EDIL3: variants seen among roughly 807,000 people sequenced by gnomAD.
EDIL3 encodes EGF like and discoidin domains 3.
A neutral mutation model predicts 67.4 loss-of-function variants in EDIL3; 37 were observed. The ratio of observed to expected loss-of-function variants is 0.55; its 90% CI spans 0.42 to 0.72. EDIL3 has a LOEUF of 0.72. EDIL3 is among the 30% of genes least tolerant of loss of function. The pLI, the probability that EDIL3 is intolerant of heterozygous loss-of-function variation, is 0.00. For missense variants in EDIL3, 527 were observed against 586.3 expected (o/e 0.90, Z 1.04); for synonymous variants, 195 against 196.3 (o/e 0.99, Z 0.05).
intron 10 of EDIL3, among the ~76,000 whole-genome samples, chr5:83,962,280 C>T (rs997679429): frequency 3.3e-5 from 5 of 151,430 alleles, no homozygotes; most frequent in Non-Finnish European, 5.9e-5. Context: ...ATGTATAAAG[C>T]AGTGTTATAT....
At chr5:84,064,618 T>C (rs1746600974) in intron 8 of EDIL3, 82 bp downstream of exon 8, 3 of 1,458,974 alleles carry the variant, frequency 2.1e-6, no homozygotes, top group African/African-American at 1.4e-5. Flanking sequence ...TTGTTGAATT[T>C]GTAGGTTAGT....
At chr5:84,337,701 T>C (rs1257153450) in intron 1 of EDIL3, among the ~76,000 whole-genome samples, 1 of 152,162 alleles carries the variant, frequency 6.6e-6, no homozygotes, top group East Asian at 1.9e-4. Context: ...TAGGCTGACC[T>C]TCAATATTTC....
In EDIL3 at chr5:84,008,178, A is replaced by G. The variant is rs146303165; in HGVS notation, c.1138-44818T>C. 3.5e-3 allele frequency among the ~76,000 whole-genome samples: 537 copies of G among 152,242 alleles called. 2 individuals are homozygous for G. The highest frequency in any genetic ancestry group is 5.7e-3 in the Non-Finnish European group (385 of 68,010). On this transcript the variant is annotated intron_variant, in intron 9 of 10. Transcript: ENST00000296591. ...AGTAAAGTGAGGATGGTTAATGGGT[A>G]CAAACATATGGTTAGAAAGAAGAAA... is the stretch of plus-strand genomic sequence containing the variant.
chr5:84,225,758 T>C lies in EDIL3; in HGVS notation c.226+4097A>G, dbSNP rs58141890. Among the ~76,000 whole-genome samples, 1,333 of 151,706 alleles carry C rather than the reference T, an allele frequency of 8.8e-3. 23 individuals are homozygous for C. Among genetic ancestry groups the C allele is most frequent in the African/African-American group, 0.031 (1,267 of 41,520 alleles). On this transcript the variant is annotated intron_variant, in intron 3 of 10. Transcript: ENST00000296591. ...TAATCGACCCAACTCTGTGTGCCTA[T>C]AGAATTAAAACAACCTAGATTTGTC... is the stretch of plus-strand genomic sequence containing the variant.
chr5:84,001,555 CA>C lies in EDIL3; in HGVS notation c.1138-38196del, dbSNP rs151120889. Among the ~76,000 whole-genome samples the C allele has an allele frequency of 6.1e-5, 9 of 148,448 alleles. No homozygotes were observed. In the South Asian group the frequency reaches 8.6e-4, roughly 14 times the overall value. On this transcript the variant is annotated intron_variant, in intron 9 of 10. Coordinates refer to ENST00000296591, the MANE Select transcript of EDIL3 (RefSeq NM_005711.5). ...ACTTTTAGCCTTACTCCCCCACTGC[CA>C]AAAAAAAAGAGACAAGACCCAAATA... is the stretch of plus-strand genomic sequence containing the variant.
At chr5:83,995,071 A>G (rs1229448237) in intron 9 of EDIL3, among the ~76,000 whole-genome samples, 1 of 152,062 alleles carries the variant, frequency 6.6e-6, no homozygotes, top group Non-Finnish European at 1.5e-5. Context: ...AGACTTAATG[A>G]CAAATTAAGG....
At chr5:84,276,758 G>T (rs1341371757) in intron 1 of EDIL3, among the ~76,000 whole-genome samples, 1 of 151,834 alleles carries the variant, frequency 6.6e-6, no homozygotes, top group Non-Finnish European at 1.5e-5. Flanking sequence ...ATTTTTAGTA[G>T]AGATGGGGTT....
At chr5:84,322,748 G>A (rs1308300922) in intron 1 of EDIL3, among the ~76,000 whole-genome samples, 2 of 151,880 alleles carry the variant, frequency 1.3e-5, no homozygotes, top group Non-Finnish European at 2.9e-5. Flanking sequence ...AATTCAAAGA[G>A]AACAATTTCA....
At chr5:84,050,130 G>A (rs13187828) in intron 9 of EDIL3, among the ~76,000 whole-genome samples, 28,006 of 149,224 alleles carry the variant, frequency 0.19, 2,942 homozygotes, top group Admixed American at 0.24. Flanking sequence ...CCCGGGAGGC[G>A]GAGCTTGCAG....
intron 1 of EDIL3, among the ~76,000 whole-genome samples, chr5:84,291,784 G>T (rs1745927917): frequency 1.4e-5 from 2 of 142,508 alleles, no homozygotes; most frequent in African/African-American, 2.6e-5. Flanking sequence ...ATCATATACA[G>T]ATATATACAC....
intron 3 of EDIL3, among the ~76,000 whole-genome samples, chr5:84,200,857 G>GA (rs1196378126): frequency 6.6e-6 from 1 of 151,976 alleles, no homozygotes; most frequent in Non-Finnish European, 1.5e-5. Flanking sequence ...GAAAGAGTGA[G>GA]AAATCTTCAA....
intron 1 of EDIL3, among the ~76,000 whole-genome samples, chr5:84,262,673 T>G (rs955797587): frequency 1.7e-5 from 2 of 115,312 alleles, no homozygotes; most frequent in Non-Finnish European, 3.6e-5. Flanking sequence ...TTTTTTTTTT[T>G]TTTTTTTTTT....
chr5:84,332,463 A>G (rs981693552), intron 1 of EDIL3, among the ~76,000 whole-genome samples: 7 of 152,206 alleles, frequency 4.6e-5, no homozygotes, highest in African/African-American at 1.7e-4. Flanking sequence ...AGGCTTCAAG[A>G]TAACGTTCTA....
chr5:84,332,318 G>A (rs1346732229), intron 1 of EDIL3, among the ~76,000 whole-genome samples: 1 of 152,194 alleles, frequency 6.6e-6, no homozygotes, highest in Admixed American at 6.5e-5. Flanking sequence ...ACCATAGTGA[G>A]CTATGATAGT....
In EDIL3 at chr5:84,231,951, C is replaced by T. The variant is rs149665568; in HGVS notation, c.197-2067G>A. Among the ~76,000 whole-genome samples, 160 of 152,218 alleles carry T rather than the reference C, an allele frequency of 1.1e-3. 3 individuals are homozygous for T. The East Asian group carries it at 0.027, about 26-fold the overall frequency. ...TGAACTCATTTAATTCACAAAGCAA[C>T]CAATGAGATGAAAATATTTCTCATT... is the stretch of plus-strand genomic sequence containing the variant. On this transcript the variant is annotated intron_variant, in intron 2 of 10. Coordinates refer to ENST00000296591, the MANE Select transcript of EDIL3 (RefSeq NM_005711.5).
intron 2 of EDIL3, among the ~76,000 whole-genome samples, chr5:84,232,071 C>T (rs1189261258): frequency 1.6e-4 from 24 of 150,354 alleles, no homozygotes; most frequent in Admixed American, 1.6e-3. Context: ...TAAAACTGAA[C>T]TTCTTCTGCT....
At chr5:83,985,101 A>G (rs1745037249) in intron 9 of EDIL3, among the ~76,000 whole-genome samples, 1 of 152,018 alleles carries the variant, frequency 6.6e-6, no homozygotes, top group Admixed American at 6.6e-5. Context: ...ATAAAAGGAA[A>G]AATGTAGGAG....
chr5:84,029,403 C>G (rs1224501854), intron 9 of EDIL3, among the ~76,000 whole-genome samples: 2 of 152,188 alleles, frequency 1.3e-5, no homozygotes, highest in Admixed American at 1.3e-4. Flanking sequence ...ATGTGGAACT[C>G]TAAGTCCATT....
chr5:84,200,483 TCATAA>T (rs1743808428), intron 3 of EDIL3, among the ~76,000 whole-genome samples: 2 of 151,988 alleles, frequency 1.3e-5, no homozygotes, highest in Non-Finnish European at 2.9e-5. Context: ...GAAACAAGAA[TCATAA>T]CATACCAAAA....
Sources: gnomAD v4.1 joint callset for allele counts (sites outside exome capture counted in the v4.1 genomes callset) on GRCh38, gnomAD v4.1.1 for gene constraint, MANE v1.5 for transcripts, NCBI Gene and HGNC (gene_info 2026-07-23, HGNC 2026-07-21) for gene names.